Variants in FEZ1 observed in about 807,000 individuals in gnomAD.
The protein encoded by FEZ1 is fasciculation and elongation protein zeta-1.
In FEZ1, 20 loss-of-function variants were observed where a neutral mutation model predicts 49.3. That is an observed-to-expected ratio of 0.41 (90% CI 0.29 to 0.59). FEZ1 has a LOEUF of 0.59. Ranked by LOEUF, FEZ1 falls within the 20% of genes least tolerant of loss-of-function variation. FEZ1 has a pLI of 0.36. For synonymous variants in FEZ1, 170 were observed against 180.9 expected (o/e 0.94, Z 0.48); for missense variants, 413 against 476.0 (o/e 0.87, Z 1.23).
chr11:125,467,769 G>A (rs1161871325), intron 3 of FEZ1, among the ~76,000 whole-genome samples: 1 of 152,198 alleles, frequency 6.6e-6, no homozygotes, highest in Non-Finnish European at 1.5e-5. Context: ...GAGCCAGGGA[G>A]GTGGAGGCTG....
intron 3 of FEZ1, among the ~76,000 whole-genome samples, chr11:125,474,191 ATTTT>A (rs34135138): frequency 1.0e-3 from 130 of 128,440 alleles, no homozygotes; most frequent in East Asian, 8.2e-3. Context: ...TGCCAGGCTA[ATTTT>A]TTTTTTTTTT....
At chr11:125,481,386 G>A (rs1333897638) in intron 3 of FEZ1, 148 bp downstream of exon 3, 3 of 706,348 alleles carry the variant, frequency 4.2e-6, no homozygotes, top group Non-Finnish European at 7.7e-6. Context: ...CTGAACTCAA[G>A]CAATCACCCA....
At chr11:125,469,733 C>CTT (rs35644062) in intron 3 of FEZ1, among the ~76,000 whole-genome samples, 2,328 of 140,322 alleles carry the variant, frequency 0.017, 55 homozygotes, top group African/African-American at 0.052. Context: ...CCAGCTAATG[C>CTT]TTTTTTTTTT....
At chr11:125,484,959 CA>C (rs918074553) in intron 2 of FEZ1, among the ~76,000 whole-genome samples, 7 of 152,158 alleles carry the variant, frequency 4.6e-5, no homozygotes, top group African/African-American at 1.4e-4. Flanking sequence ...CTGTCTATCC[CA>C]TCATATATCC....
At chr11:125,457,652 A>G (rs1268763816) in intron 5 of FEZ1, among the ~76,000 whole-genome samples, 3 of 151,716 alleles carry the variant, frequency 2.0e-5, no homozygotes, top group Admixed American at 2.0e-4. Flanking sequence ...TTGTGGGTAC[A>G]TAGGGGGTGT....
intron 5 of FEZ1, among the ~76,000 whole-genome samples, chr11:125,459,532 C>A (rs1333900083): frequency 6.6e-6 from 1 of 152,080 alleles, no homozygotes; most frequent in Non-Finnish European, 1.5e-5. Flanking sequence ...GCAGAGGCTG[C>A]AGTGAGCCAA....
At chr11:125,463,976 G>A (rs554941934) in intron 3 of FEZ1, among the ~76,000 whole-genome samples, 1 of 152,256 alleles carries the variant, frequency 6.6e-6, no homozygotes, top group Middle Eastern at 3.4e-3. Context: ...CAACCTGGGG[G>A]GTTGTTTCCA....
At chr11:125,472,142 GT>G (rs1475562043) in intron 3 of FEZ1, among the ~76,000 whole-genome samples, 2 of 151,882 alleles carry the variant, frequency 1.3e-5, no homozygotes, top group Admixed American at 6.6e-5. Flanking sequence ...ATAGCTTTAA[GT>G]TTTTTTAAGT....
chr11:125,488,769 C>T (rs1048298151), intron 2 of FEZ1: 6 of 985,214 alleles, frequency 6.1e-6, no homozygotes, highest in East Asian at 1.1e-4. Flanking sequence ...CTAAGACATC[C>T]TTCTTTAATT....
At chr11:125,451,804 T>C (rs1956961064) in intron 8 of FEZ1, among the ~76,000 whole-genome samples, 1 of 152,196 alleles carries the variant, frequency 6.6e-6, no homozygotes, top group Non-Finnish European at 1.5e-5. Flanking sequence ...TATTTGACAA[T>C]AGAGCAAAGT....
chr11:125,452,959 C>CTT (rs3053665), intron 7 of FEZ1: 3,338 of 139,882 alleles, frequency 0.024, 47 homozygotes, highest in Middle Eastern at 0.07. Flanking sequence ...AAGAAGCTCA[C>CTT]TTTTTTTTTT....
chr11:125,480,182 C>T (rs553323795), intron 3 of FEZ1, among the ~76,000 whole-genome samples: 1 of 152,088 alleles, frequency 6.6e-6, no homozygotes, highest in African/African-American at 2.4e-5. Flanking sequence ...TTGAAACCAG[C>T]CTTGGTAACA....
intron 3 of FEZ1, among the ~76,000 whole-genome samples, chr11:125,464,716 G>T (rs1403277029): frequency 9.5e-6 from 1 of 105,670 alleles, no homozygotes; most frequent in African/African-American, 3.4e-5. Flanking sequence ...CCAGGACTAT[G>T]TCATTAAAAA....
chr11:125,473,336 T>C (rs373658362), intron 3 of FEZ1, among the ~76,000 whole-genome samples: 14 of 152,304 alleles, frequency 9.2e-5, no homozygotes, highest in Non-Finnish European at 1.6e-4. Flanking sequence ...AATAATTGAA[T>C]AGCCATATGC....
intron 3 of FEZ1, among the ~76,000 whole-genome samples, chr11:125,470,562 C>T (rs1024605895): frequency 6.6e-6 from 1 of 152,168 alleles, no homozygotes; most frequent in Middle Eastern, 3.2e-3. Flanking sequence ...TAAACAACTA[C>T]AATCTGGACA....
chr11:125,445,963 C>T lies in FEZ1; in HGVS notation c.*132G>A. 1 of 944,806 alleles carries T rather than the reference C, an allele frequency of 1.1e-6. No homozygotes were observed. Among genetic ancestry groups the T allele is most frequent in the South Asian group, 1.3e-5 (1 of 77,316 alleles). The allele number at this position is 944,806 out of a possible 1,614,324, so 58.5% of individuals were successfully genotyped here. ...AACGGCAAAGGACCCCGCGCGCTTG[C>T]TCGTGTTTAATCCAGGTTAAGCTAT... On this transcript the variant is annotated 3_prime_UTR_variant, in exon 10 of 10. Transcript: ENST00000278919. This position sits in a 1 kb window ranked among gnomAD's most constrained non-coding sequence, Gnocchi z 4.4.
At chr11:125,454,326 A>G in intron 6 of FEZ1, 116 bp from the exon 7 acceptor site, 1 of 677,804 alleles carries the variant, frequency 1.5e-6, no homozygotes, top group South Asian at 1.9e-5. Context: ...CTGTGACTAG[A>G]CAGTAAGTGT....
chr11:125,446,570 G>T (rs1956900972), intron 9 of FEZ1, among the ~76,000 whole-genome samples: 1 of 152,194 alleles, frequency 6.6e-6, no homozygotes, highest in Non-Finnish European at 1.5e-5. Context: ...CCTCCTTTGA[G>T]AACCTCCTTT....
intron 3 of FEZ1, among the ~76,000 whole-genome samples, chr11:125,469,733 C>T (rs936967282): frequency 1.4e-5 from 2 of 140,320 alleles, no homozygotes; most frequent in African/African-American, 2.7e-5. Context: ...CCAGCTAATG[C>T]TTTTTTTTTT....
Sources: allele counts gnomAD v4.1 joint callset (sites outside exome capture counted in the v4.1 genomes callset), GRCh38; gene constraint gnomAD v4.1.1; non-coding constraint Gnocchi (gnomAD v3.1); transcripts MANE v1.5; gene names NCBI Gene and HGNC (gene_info 2026-07-23, HGNC 2026-07-21).